Variants in ZNF487 observed in about 807,000 individuals in gnomAD.
The protein encoded by ZNF487 is zinc finger protein 487.
Under a neutral mutation model 3.0 loss-of-function variants are expected in ZNF487, and 4 were observed. The ratio of observed to expected loss-of-function variants is 1.35; its 90% CI spans 0.66 to 3.08. The LOEUF is 3.08. Ranked by LOEUF, ZNF487 falls within the 30% of genes most tolerant of loss-of-function variation. The probability of loss-of-function intolerance (pLI) is 0.01; values close to 1 mark genes in which losing one functional copy is unlikely to be tolerated. For synonymous variants in ZNF487, 55 were observed against 34.6 expected (o/e 1.59, Z -2.06); for missense variants, 146 against 98.7 (o/e 1.48, Z -2.03).
the ZNF487 span, among the ~76,000 whole-genome samples, chr10:43,494,696 C>T: frequency 6.9e-5 from 10 of 144,840 alleles, no homozygotes; most frequent in African/African-American, 2.6e-4. Flanking sequence ...CCTGTAAGCC[C>T]AGCACTTGAG....
chr10:43,442,796 C>G (rs779855593), intron 1 of ZNF487, among the ~76,000 whole-genome samples: 5 of 152,102 alleles, frequency 3.3e-5, no homozygotes, highest in African/African-American at 1.2e-4. Context: ...TTGTGTTCAG[C>G]GTACAAGTCT....
intron 1 of ZNF487, among the ~76,000 whole-genome samples, chr10:43,438,444 C>G (rs1337358696): frequency 6.6e-6 from 1 of 152,198 alleles, no homozygotes; most frequent in Non-Finnish European, 1.5e-5. Flanking sequence ...CCTCAGCCCC[C>G]CAAAGTGCTG....
chr10:43,465,008 C>G (rs1435977190), intron 1 of ZNF487, among the ~76,000 whole-genome samples: 2 of 141,578 alleles, frequency 1.4e-5, no homozygotes, highest in South Asian at 2.1e-4. Flanking sequence ...CTGACCCCCC[C>G]ACCTCCCTCC....
At chr10:43,493,705 AAAAAATAT>A in the ZNF487 span, among the ~76,000 whole-genome samples, 2 of 73,214 alleles carry the variant, frequency 2.7e-5, no homozygotes, top group Admixed American at 2.0e-4. Flanking sequence ...GAAAAAAAAA[AAAAAATAT>A]ATATATATAT....
the ZNF487 span, among the ~76,000 whole-genome samples, chr10:43,495,026 A>G: frequency 6.6e-6 from 1 of 151,972 alleles, no homozygotes; most frequent in Non-Finnish European, 1.5e-5. Flanking sequence ...TTTATAGTAC[A>G]TATGTTTAAC....
chr10:43,449,367 T>C (rs2260200), intron 1 of ZNF487, among the ~76,000 whole-genome samples: 100,011 of 151,990 alleles, frequency 0.66, 34,465 homozygotes, highest in Non-Finnish European at 0.76. Context: ...CTGGTATATA[T>C]TGACATACAC....
intron 1 of ZNF487, among the ~76,000 whole-genome samples, chr10:43,464,150 C>T (rs1840553398): frequency 6.6e-6 from 1 of 151,100 alleles, no homozygotes; most frequent in Admixed American, 6.6e-5. Flanking sequence ...CCGAACAGCC[C>T]AAATGTAAAT....
At chr10:43,456,555 A>C (rs1014318534) in intron 1 of ZNF487, among the ~76,000 whole-genome samples, 3 of 152,170 alleles carry the variant, frequency 2.0e-5, no homozygotes, top group Admixed American at 2.0e-4. Flanking sequence ...TGGGAGGGAA[A>C]GAAATATTAC....
At chr10:43,457,013 A>G (rs1182263225) in intron 1 of ZNF487, among the ~76,000 whole-genome samples, 3 of 152,176 alleles carry the variant, frequency 2.0e-5, no homozygotes, top group African/African-American at 7.2e-5. Flanking sequence ...TGCTTCCACC[A>G]TGCTTACTCA....
intron 1 of ZNF487, among the ~76,000 whole-genome samples, chr10:43,470,044 C>T (rs4948727): frequency 0.89 from 135,932 of 152,184 alleles, 60,767 homozygotes; most frequent in East Asian, 1. Flanking sequence ...ACATAACTTT[C>T]ACATGCATGG....
the ZNF487 span, among the ~76,000 whole-genome samples, chr10:43,521,500 C>T: frequency 2.0e-5 from 3 of 152,184 alleles, no homozygotes; most frequent in East Asian, 3.9e-4. Context: ...GTACCAGGGA[C>T]GGGCACTTGT....
At chr10:43,441,568 A>G (rs1839612143) in intron 1 of ZNF487, among the ~76,000 whole-genome samples, 1 of 144,548 alleles carries the variant, frequency 6.9e-6, no homozygotes, top group African/African-American at 2.6e-5. Flanking sequence ...CGCCTGGCCA[A>G]TTTTTGTAGA....
intron 1 of ZNF487, among the ~76,000 whole-genome samples, chr10:43,457,752 G>T (rs371731414): frequency 6.6e-6 from 1 of 151,196 alleles, no homozygotes; most frequent in South Asian, 2.1e-4. Context: ...GCCGGGCAGG[G>T]TGGCTCATGC....
At chr10:43,436,949 C>T (rs1325943875), upstream of ZNF487, 1 of 464,132 alleles carries the variant, frequency 2.2e-6, no homozygotes, top group East Asian at 7.2e-5. Flanking sequence ...AGAGTCCGGC[C>T]AGCGGACAAG....
At chr10:43,498,482 G>A in the ZNF487 span, among the ~76,000 whole-genome samples, 1 of 150,504 alleles carries the variant, frequency 6.6e-6, no homozygotes, top group Non-Finnish European at 1.5e-5. Context: ...TTTCGCCACA[G>A]TGGCCAGGCT....
chr10:43,494,507 CTCT>C, the ZNF487 span, among the ~76,000 whole-genome samples: 2 of 152,026 alleles, frequency 1.3e-5, no homozygotes, highest in Non-Finnish European at 2.9e-5. Flanking sequence ...CTCTTCTCCA[CTCT>C]TCTTAAAATC....
At chr10:43,459,528 C>A (rs1349113037) in intron 1 of ZNF487, among the ~76,000 whole-genome samples, 1 of 152,046 alleles carries the variant, frequency 6.6e-6, no homozygotes, top group East Asian at 1.9e-4. Flanking sequence ...CTGCACCTGG[C>A]CCTTGGTTTG....
chr10:43,440,250 A>G (rs955444932), intron 1 of ZNF487, among the ~76,000 whole-genome samples: 3 of 151,854 alleles, frequency 2.0e-5, no homozygotes, highest in Non-Finnish European at 4.4e-5. Flanking sequence ...GGCTTTTGGC[A>G]TGTTGGCCAG....
chr10:43,497,176 GT>G, the ZNF487 span, among the ~76,000 whole-genome samples: 2 of 152,090 alleles, frequency 1.3e-5, no homozygotes, highest in Non-Finnish European at 2.9e-5. Flanking sequence ...CAAGTATGAA[GT>G]TTTTTATTAA....
Sources: gnomAD v4.1 joint callset for allele counts (sites outside exome capture counted in the v4.1 genomes callset) on GRCh38, gnomAD v4.1.1 for gene constraint, MANE v1.5 for transcripts, NCBI Gene and HGNC (gene_info 2026-07-23, HGNC 2026-07-21) for gene names.